B3GNT5: variants seen among roughly 807,000 people sequenced by gnomAD.
The protein encoded by B3GNT5 is UDP-GlcNAc:betaGal beta-1,3-N-acetylglucosaminyltransferase 5, also known as lactosylceramide 1,3-N-acetyl-beta-D-glucosaminyltransferase.
Under a neutral mutation model 25.9 loss-of-function variants are expected in B3GNT5, and 11 were observed. The observed-to-expected ratio is 0.42, with a 90% confidence interval of 0.27 to 0.70. The LOEUF is 0.70. B3GNT5 is among the 30% of genes least tolerant of loss of function. B3GNT5 has a pLI of 0.23. For synonymous variants in B3GNT5, 166 were observed against 158.6 expected (o/e 1.05, Z -0.35); for missense variants, 385 against 458.4 (o/e 0.84, Z 1.46).
chr3:183,272,256 C>G lies in B3GNT5; in HGVS notation c.*1321C>G. ...AATGTGGCTATAATACACACTACCTCCCTTCACTACAGAAAGAACTAGGTG... is the reference window on the plus strand; with the variant it reads ...AATGTGGCTATAATACACACTACCTGCCTTCACTACAGAAAGAACTAGGTG... On this transcript the variant is annotated 3_prime_UTR_variant, in exon 2 of 2. Coordinates refer to ENST00000326505, the MANE Select transcript of B3GNT5 (RefSeq NM_032047.5). The G allele has an allele frequency of 1.0e-6, 1 of 1,000,218 alleles. No homozygotes were observed. Among genetic ancestry groups the G allele is most frequent in the African/African-American group, 1.7e-5 (1 of 57,348 alleles). 62.0% of individuals were successfully genotyped at this position (1,000,218 alleles called of 1,614,324 possible). A position where few individuals can be genotyped will look rare whatever the true frequency, so the allele number is the denominator to read the frequency against.
chr3:183,257,306 T>C (rs1232595570), intron 1 of B3GNT5, among the ~76,000 whole-genome samples: 1 of 152,244 alleles, frequency 6.6e-6, no homozygotes, highest in Non-Finnish European at 1.5e-5. Flanking sequence ...TCGGCTTTTT[T>C]ACTCTCTTTC....
intron 1 of B3GNT5, 43 bp downstream of exon 1, chr3:183,253,515 C>T (rs1724705778): frequency 6.6e-6 from 1 of 152,330 alleles, no homozygotes; most frequent in African/African-American, 2.4e-5. Context: ...GTTTCCCCCT[C>T]TTCTCGTATT....
Position 183,270,326 on chromosome 3 carries a change from C to A in B3GNT5, c.528C>A (p.Phe176Leu). The part of the protein sequence containing the change: ...YNLTLKLLMQ[F>L]SWANTYCPHA... ...TTACTCTGAAATTACTTATGCAGTT[C>A]AGTTGGGCAAATACCTATTGTCCAC... The change falls in exon 2 of 2, where the codon TTC (phenylalanine) becomes TTA (leucine). Residue 176 changes from phenylalanine (F) to leucine (L), a missense_variant. Transcript: ENST00000326505. The surrounding 1 kb of genome is among the most constrained non-coding windows in gnomAD (Gnocchi z 4.5). The A allele has an allele frequency of 1.2e-6, 2 of 1,614,102 alleles. No homozygotes were observed. The highest frequency in any genetic ancestry group is 2.2e-5 in the South Asian group (2 of 91,062).
In B3GNT5 at chr3:183,267,782, G is replaced by A. The variant is rs970638027; in HGVS notation, c.-301-1716G>A. Among the ~76,000 whole-genome samples, 1 of 152,212 alleles carries A rather than the reference G, an allele frequency of 6.6e-6. No individual in the cohort carries two copies. The highest frequency in any genetic ancestry group is 2.4e-5 in the African/African-American group (1 of 41,448). On this transcript the variant is annotated intron_variant, in intron 1 of 1. Transcript: ENST00000326505. The surrounding 1 kb of genome is among the most constrained non-coding windows in gnomAD (Gnocchi z 5.5). ...GTGGTGGAGGAAAAGAGAGGACCTG[G>A]TGTAAGCAGCCATGGCATGGACCTC...
At position 183,270,288 on chromosome 3, in the gene B3GNT5, T is replaced by G. The variant is rs1726633635; in HGVS notation, c.490T>G (p.Ser164Ala). ...NDIIQQDFVD[S>A]FYNLTLKLLM... ...TATAATTCAGCAAGACTTTGTTGAT[T>G]CTTTCTACAATCTTACTCTGAAATT... Residue 164 changes from serine to alanine, a missense_variant, in exon 2 of 2, where the codon TCT (serine) becomes GCT (alanine). By Grantham distance (99) the Ser-to-Ala change is moderately conservative. Coordinates refer to ENST00000326505, the MANE Select transcript of B3GNT5 (RefSeq NM_032047.5). The surrounding 1 kb of genome is among the most constrained non-coding windows in gnomAD (Gnocchi z 4.5). The G allele has an allele frequency of 6.2e-7, 1 of 1,614,194 alleles. No individual in the cohort carries two copies. The highest frequency in any genetic ancestry group is 8.5e-7 in the Non-Finnish European group (1 of 1,180,026).
At chr3:183,253,864 C>A (rs1279867258) in intron 1 of B3GNT5, 3 of 152,276 alleles carry the variant, frequency 2.0e-5, no homozygotes, top group African/African-American at 7.2e-5. Flanking sequence ...TGTGCCGCGG[C>A]CGCATCTTTC....
chr3:183,256,537 G>C (rs1359155568), intron 1 of B3GNT5, among the ~76,000 whole-genome samples: 4 of 152,108 alleles, frequency 2.6e-5, no homozygotes, highest in Non-Finnish European at 4.4e-5. Flanking sequence ...CTCTTCCATA[G>C]AAGGCTTTAA....
Position 183,272,912 on chromosome 3 carries a change from G to A in B3GNT5, c.*1977G>A. The A allele has an allele frequency of 7.4e-7, 1 of 1,346,694 alleles. No homozygotes were observed. The highest frequency in any genetic ancestry group is 9.6e-7 in the Non-Finnish European group (1 of 1,041,408). The allele number at this position is 1,346,694 out of a possible 1,614,324, so 83.4% of individuals were successfully genotyped here. A position where few individuals can be genotyped will look rare whatever the true frequency, so the allele number is the denominator to read the frequency against. ...AAACAATTATTTATTTGCTGAAAGA[G>A]CTCTTCTGAACTGTGTCCTTTTAAT... On this transcript the variant is annotated 3_prime_UTR_variant, in exon 2 of 2. Coordinates refer to ENST00000326505, the MANE Select transcript of B3GNT5 (RefSeq NM_032047.5).
Position 183,272,781 on chromosome 3 carries a change from A to C in B3GNT5, c.*1846A>C. ...TAATGATGTATTGCCTTTTGCCCAT[A>C]TATACCCTGTGTATCTATACTTGGA... is the stretch of plus-strand genomic sequence containing the variant. On this transcript the variant is annotated 3_prime_UTR_variant, in exon 2 of 2. Coordinates refer to ENST00000326505, the MANE Select transcript of B3GNT5 (RefSeq NM_032047.5). 8.8e-7 allele frequency: 1 copy of C among 1,131,410 alleles called. No homozygotes were observed. Among genetic ancestry groups the C allele is most frequent in the Non-Finnish European group, 1.1e-6 (1 of 914,266 alleles). The allele number at this position is 1,131,410 out of a possible 1,614,324, so 70.1% of individuals were successfully genotyped here. A position where few individuals can be genotyped will look rare whatever the true frequency, so the allele number is the denominator to read the frequency against.
chr3:183,254,571 A>T (rs1724857525), intron 1 of B3GNT5: 1 of 151,996 alleles, frequency 6.6e-6, no homozygotes. Context: ...CCCGTCCCTG[A>T]GGAGCTCCGG....
chr3:183,254,261 G>A, intron 1 of B3GNT5: 1 of 151,786 alleles, frequency 6.6e-6, no homozygotes, highest in Non-Finnish European at 1.5e-5. Context: ...GGCCGGGGGC[G>A]CGTGGCTGGC....
In B3GNT5 at chr3:183,269,743, G is replaced by A. The variant is rs532387011; in HGVS notation, c.-56G>A. 1.4e-5 allele frequency: 21 copies of A among 1,496,208 alleles called. No homozygotes were observed. The highest frequency in any genetic ancestry group is 9.3e-5 in the South Asian group (7 of 75,526). 92.7% of individuals were successfully genotyped at this position (1,496,208 alleles called of 1,614,324 possible). A position where few individuals can be genotyped will look rare whatever the true frequency, so the allele number is the denominator to read the frequency against. On this transcript the variant is annotated 5_prime_UTR_variant, in exon 2 of 2. Coordinates refer to ENST00000326505, the MANE Select transcript of B3GNT5 (RefSeq NM_032047.5). ...ACGAAACACGAAGTTCTATGGTCTCGAAGAAGCCCGTGCCTGTTTAAAACT... is the reference window on the plus strand; with the variant it reads ...ACGAAACACGAAGTTCTATGGTCTCAAAGAAGCCCGTGCCTGTTTAAAACT...
In B3GNT5 at chr3:183,270,518, C is replaced by G. The variant is rs1726662831; in HGVS notation, c.720C>G (p.Ser240=). ...ATAAAAGCAGCAAATACTACGTGTC[C>G]TATGAAATGTACCAGTGGCCAGCTT... ...IRDKSSKYYV[S]YEMYQWPAYP... is the part of the protein sequence containing the mutation. Residue 240 remains serine, a synonymous_variant, in exon 2 of 2, where the codon TCC becomes TCG. Transcript: ENST00000326505. The surrounding 1 kb of genome is among the most constrained non-coding windows in gnomAD (Gnocchi z 4.5). 6.2e-7 allele frequency: 1 copy of G among 1,614,166 alleles called. No individual in the cohort carries two copies. Among genetic ancestry groups the G allele is most frequent in the South Asian group, 1.1e-5 (1 of 91,080 alleles).
chr3:183,257,307 ACT>A (rs963146574), intron 1 of B3GNT5, among the ~76,000 whole-genome samples: 13 of 152,034 alleles, frequency 8.6e-5, no homozygotes, highest in South Asian at 4.1e-4. Context: ...CGGCTTTTTT[ACT>A]CTCTTTCACC....
intron 1 of B3GNT5, among the ~76,000 whole-genome samples, chr3:183,258,117 T>G (rs561391993): frequency 2.8e-4 from 42 of 151,826 alleles, no homozygotes; most frequent in East Asian, 1.2e-3. Context: ...ACAGGCATGC[T>G]CCACCACACC....
rs1577008050 is a variant in B3GNT5, at chr3:183,270,956, T to C, written c.*21T>C. On this transcript the variant is annotated 3_prime_UTR_variant, in exon 2 of 2. Coordinates refer to ENST00000326505, the MANE Select transcript of B3GNT5 (RefSeq NM_032047.5). This position sits in a 1 kb window ranked among gnomAD's most constrained non-coding sequence, Gnocchi z 4.5. ...TCTAATAGTACTTGAATGTTGTATG[T>C]TTTCACTGTCACTGAGTCAAACCTG... is the stretch of plus-strand genomic sequence containing the variant. 2 of 1,533,130 alleles carry C rather than the reference T, an allele frequency of 1.3e-6. No individual in the cohort carries two copies. The highest frequency in any genetic ancestry group is 4.4e-5 in the Admixed American group (2 of 45,828). The allele number at this position is 1,533,130 out of a possible 1,614,324, so 95.0% of individuals were successfully genotyped here.
In B3GNT5 at chr3:183,257,958, C is replaced by CTTTTTTT. The variant is rs35323502; in HGVS notation, c.-302+4507_-302+4513dup. Among the ~76,000 whole-genome samples the CTTTTTTT allele has an allele frequency of 8.1e-3, 525 of 64,746 alleles. 117 individuals are homozygous for CTTTTTTT. The highest frequency in any genetic ancestry group is 0.031 in the African/African-American group (444 of 14,404). 42.5% of individuals were successfully genotyped at this position (64,746 alleles called of 152,430 possible). A position where few individuals can be genotyped will look rare whatever the true frequency, so the allele number is the denominator to read the frequency against. ...TATTCCTTGCTCCCTCCACTTCACC[C>CTTTTTTT]TTTTTTTTTTTTTTTTTTTTTTTTT... On this transcript the variant is annotated intron_variant, in intron 1 of 1. Transcript: ENST00000326505.
At chr3:183,268,599 GA>G (rs1726389617) in intron 1 of B3GNT5, among the ~76,000 whole-genome samples, 1 of 152,296 alleles carries the variant, frequency 6.6e-6, no homozygotes, top group Non-Finnish European at 1.5e-5. Context: ...TTTTAGGGGA[GA>G]AGATAACAGA....
intron 1 of B3GNT5, among the ~76,000 whole-genome samples, chr3:183,257,890 T>C (rs28731202): frequency 0.17 from 25,892 of 151,018 alleles, 5,526 homozygotes; most frequent in African/African-American, 0.51. Context: ...TTTTCTCTTA[T>C]GTGCTTAAAA....
Sources: gnomAD v4.1 joint callset for allele counts (sites outside exome capture counted in the v4.1 genomes callset) on GRCh38, gnomAD v4.1.1 for gene constraint, Gnocchi (gnomAD v3.1) non-coding constraint, MANE v1.5 for transcripts, NCBI Gene and HGNC (gene_info 2026-07-23, HGNC 2026-07-21) for gene names.